The following ASTN2 variants were observed in gnomAD, a reference collection of about 807,000 sequenced individuals.
ASTN2 encodes the protein astrotactin-2.
Under a neutral mutation model 139.8 loss-of-function variants are expected in ASTN2, and 54 were observed. That is an observed-to-expected ratio of 0.39 (90% CI 0.31 to 0.48). The LOEUF is 0.48. ASTN2 is among the 20% of genes least tolerant of loss of function. The pLI, the probability that ASTN2 is intolerant of heterozygous loss-of-function variation, is 0.95. For missense variants in ASTN2, 1,565 were observed against 1,725.1 expected, an observed-to-expected ratio of 0.91 and a Z score of 1.64; for synonymous variants, 756 against 719.5, an observed-to-expected ratio of 1.05 and a Z score of -0.81.
At chr9:116,565,210 CCACAAACA>C (rs1564119683) in intron 19 of ASTN2, among the ~76,000 whole-genome samples, 1 of 87,442 alleles carries the variant, frequency 1.1e-5, no homozygotes, top group Admixed American at 1.6e-4. Flanking sequence ...CTTAGGCTTG[CCACAAACA>C]CACACACACA....
chr9:117,134,930 G>A (rs1490497782), intron 4 of ASTN2, among the ~76,000 whole-genome samples: 1 of 152,196 alleles, frequency 6.6e-6, no homozygotes, highest in Non-Finnish European at 1.5e-5. Context: ...GTGGGCTCCT[G>A]AGGACATGGG....
intron 3 of ASTN2, among the ~76,000 whole-genome samples, chr9:117,193,653 A>AAG (rs1450861513): frequency 1.7e-4 from 26 of 149,920 alleles, no homozygotes; most frequent in South Asian, 6.4e-4. Context: ...AAAAAAAAAA[A>AAG]AAAGAAAAAG....
At chr9:116,501,119 C>T (rs906757494) in intron 19 of ASTN2, among the ~76,000 whole-genome samples, 2 of 152,142 alleles carry the variant, frequency 1.3e-5, no homozygotes, top group African/African-American at 4.8e-5. Context: ...CTTTCTTCTT[C>T]TCCCCTAGGG....
chr9:116,476,111 G>C (rs1327042294), intron 20 of ASTN2, among the ~76,000 whole-genome samples: 1 of 152,142 alleles, frequency 6.6e-6, no homozygotes, highest in Non-Finnish European at 1.5e-5. Flanking sequence ...TCCTCTGAAG[G>C]CTCTTGGAAA....
chr9:116,730,677 G>C (rs543610935), intron 14 of ASTN2, among the ~76,000 whole-genome samples: 1 of 152,324 alleles, frequency 6.6e-6, no homozygotes, highest in Admixed American at 6.5e-5. Flanking sequence ...GTTCAAAGCA[G>C]ACTTGCTGGG....
At chr9:116,796,071 G>A (rs1830679764) in intron 13 of ASTN2, among the ~76,000 whole-genome samples, 1 of 152,190 alleles carries the variant, frequency 6.6e-6, no homozygotes, top group Admixed American at 6.5e-5. Flanking sequence ...TGATGAACCT[G>A]GCAGCCCTCT....
chr9:116,927,736 G>T (rs1834794414), intron 10 of ASTN2, among the ~76,000 whole-genome samples: 1 of 152,206 alleles, frequency 6.6e-6, no homozygotes, highest in Admixed American at 6.5e-5. Context: ...CTCGGGGCTG[G>T]AGGTGGGGGG....
At chr9:117,358,177 C>T (rs766532901) in intron 1 of ASTN2, among the ~76,000 whole-genome samples, 6 of 151,996 alleles carry the variant, frequency 3.9e-5, no homozygotes, top group Admixed American at 6.6e-5. Context: ...AGTTTCCCTA[C>T]AGGAAGCATC....
intron 13 of ASTN2, among the ~76,000 whole-genome samples, chr9:116,790,645 C>A (rs545443492): frequency 1.3e-5 from 2 of 151,504 alleles, no homozygotes; most frequent in Non-Finnish European, 2.9e-5. Context: ...AGAATAGGGA[C>A]GTCAACTGTC....
intron 3 of ASTN2, among the ~76,000 whole-genome samples, chr9:117,208,347 T>C (rs997333736): frequency 2.0e-5 from 3 of 151,184 alleles, no homozygotes; most frequent in Non-Finnish European, 2.9e-5. Flanking sequence ...AGCTAAAGAA[T>C]TCAATGAAGA....
At chr9:116,595,854 T>C (rs1219209764) in intron 19 of ASTN2, among the ~76,000 whole-genome samples, 2 of 152,156 alleles carry the variant, frequency 1.3e-5, no homozygotes, top group South Asian at 2.1e-4. Context: ...GAAGCCACTA[T>C]GAAAAACAGT....
chr9:117,060,566 G>T (rs1839257741), intron 5 of ASTN2, among the ~76,000 whole-genome samples: 1 of 118,426 alleles, frequency 8.4e-6, no homozygotes, highest in African/African-American at 3.1e-5. Flanking sequence ...GAAAGAAAGA[G>T]GGAGGGAGGG....
chr9:116,700,435 T>C lies in ASTN2; in HGVS notation c.2806+25336A>G, dbSNP rs533288656. ...GCCTTTTAAAGAAGCATATATGGGT[T>C]GGAATTATGCCAAAGCATAGGAAGC... On this transcript the variant is annotated intron_variant, in intron 16 of 22. Transcript: ENST00000313400. 5.4e-5 allele frequency: 9 copies of C among 167,272 alleles called. No individual in the cohort carries two copies. The East Asian group carries it at 1.5e-3, about 29-fold the overall frequency. 10.4% of individuals were successfully genotyped at this position (167,272 alleles called of 1,614,324 possible).
chr9:117,286,097 G>C (rs947937554), intron 2 of ASTN2, among the ~76,000 whole-genome samples: 1 of 152,054 alleles, frequency 6.6e-6, no homozygotes, highest in South Asian at 2.1e-4. Context: ...GTTAAAAAGG[G>C]GGAGAGGAGG....
rs1054541239 is a variant in ASTN2, at chr9:116,733,443, C to T, written c.2477G>A (p.Arg826Gln). 8.7e-6 allele frequency: 14 copies of T among 1,613,998 alleles called. No individual in the cohort carries two copies. The highest frequency in any genetic ancestry group is 1.3e-5 in the African/African-American group (1 of 74,910). ...VIPLPVEEQC[R>Q]GVLSEPLPDL... ...TGGAAGGGGCTCGGAGAGGACCCCC[C>T]GGCACTGCTCCTCCACCGGCAGCGG... Residue 826 changes from arginine to glutamine, a missense_variant, in exon 14 of 23, where the codon CGG becomes CAG. Physicochemically the swap from Arg to Gln is conservative, Grantham distance 43. Transcript: ENST00000313400.
chr9:117,276,443 T>C (rs1044129302), intron 2 of ASTN2, among the ~76,000 whole-genome samples: 19 of 152,060 alleles, frequency 1.2e-4, no homozygotes, highest in African/African-American at 4.6e-4. Flanking sequence ...CTGACCCTCA[T>C]CTCCCCCCAG....
intron 11 of ASTN2, among the ~76,000 whole-genome samples, chr9:116,853,983 T>C (rs1488481968): frequency 1.3e-5 from 2 of 152,142 alleles, no homozygotes; most frequent in Admixed American, 6.5e-5. Context: ...CTTCATGAAA[T>C]ATTAGGCAAT....
intron 13 of ASTN2, among the ~76,000 whole-genome samples, chr9:116,792,460 G>T (rs1014357533): frequency 1.3e-5 from 2 of 152,150 alleles, no homozygotes; most frequent in Non-Finnish European, 2.9e-5. Flanking sequence ...GGCACATAGA[G>T]GAGGCTCTAA....
intron 7 of ASTN2, among the ~76,000 whole-genome samples, chr9:116,977,260 C>G (rs1380464327): frequency 6.6e-6 from 1 of 152,140 alleles, no homozygotes; most frequent in Admixed American, 6.5e-5. Flanking sequence ...TCCAAGAAAC[C>G]TTTGATTTCC....
Sources: gnomAD v4.1 joint callset for allele counts (sites outside exome capture counted in the v4.1 genomes callset) on GRCh38, gnomAD v4.1.1 for gene constraint, MANE v1.5 for transcripts, NCBI Gene and HGNC (gene_info 2026-07-23, HGNC 2026-07-21) for gene names.